GMCL2: variants seen among roughly 807,000 people sequenced by gnomAD.
The protein encoded by GMCL2 is germ cell-less protein-like 2.
Under a neutral mutation model 36.2 loss-of-function variants are expected in GMCL2, and 33 were observed. The ratio of observed to expected loss-of-function variants is 0.91; its 90% CI spans 0.69 to 1.22. The LOEUF (loss-of-function observed/expected upper bound fraction) is 1.22. Ranked by LOEUF, GMCL2 falls within the 50% of genes most tolerant of loss-of-function variation. GMCL2 has a pLI of 0.00. For missense variants in GMCL2, 478 were observed against 514.5 expected (o/e 0.93, Z 0.69); for synonymous variants, 172 against 184.3 (o/e 0.93, Z 0.54).
Position 178,187,085 on chromosome 5 carries a change from T to C in GMCL2, c.215A>G (p.Glu72Gly). The C allele has an allele frequency of 9.5e-7, 1 of 1,052,016 alleles. No homozygotes were observed. The highest frequency in any genetic ancestry group is 1.5e-6 in the Non-Finnish European group (1 of 689,626). 65.2% of individuals were successfully genotyped at this position (1,052,016 alleles called of 1,614,324 possible). Residue 72 changes from glutamate to glycine, a missense_variant, in exon 1 of 1, where the codon GAG becomes GGG. Physicochemically the swap from Glu to Gly is moderately conservative, Grantham distance 98. Transcript: ENST00000463439. ...CGGCTGCTGCTTGTCCCCCTCCTCC[T>C]CATGCTCCTCCCTGTGCGAGTCCGG... ...CDPDSHREEH[E>G]EEGDKQQPLL...
In GMCL2 at chr5:178,187,175, C is replaced by T. The variant is rs961984265; in HGVS notation, c.125G>A (p.Gly42Asp). The T allele has an allele frequency of 1.6e-6, 2 of 1,228,466 alleles. No individual in the cohort carries two copies. The highest frequency in any genetic ancestry group is 1.2e-6 in the Non-Finnish European group (1 of 852,804). The allele number at this position is 1,228,466 out of a possible 1,614,324, so 76.1% of individuals were successfully genotyped here. A position where few individuals can be genotyped will look rare whatever the true frequency, so the allele number is the denominator to read the frequency against. Residue 42 changes from glycine (G) to aspartate (D), a missense_variant, in exon 1 of 1, where the codon GGC (glycine) becomes GAC (aspartate). By Grantham distance (94) the Gly-to-Asp change is moderately conservative (BLOSUM62 -1). Around this residue, in one of 5 missense-constraint regions of GMCL2, gnomAD observed 127 missense variants for 86.4 expected, o/e 1.47. Transcript: ENST00000463439. ...GTGACTGCCCGGGCAGTAACAGAAG[C>T]CGTAGCTCGCCGCATCGTCTCCAGT... The part of the protein sequence containing the change: ...PDTGDDAASY[G>D]FCYCPGSHKR...
Position 178,186,859 on chromosome 5 carries a change from A to G in GMCL2, c.441T>C (p.Ile147=), listed in dbSNP as rs944426356. ...SGSWKESSMN[I]IELEIPDQNI... Reference sequence around the variant, plus strand: ...TCTGGTCAGGAATCTCCAGTTCAATAATATTCATGCTGGATTCTTTCCAAG... The same window carrying G: ...TCTGGTCAGGAATCTCCAGTTCAATGATATTCATGCTGGATTCTTTCCAAG... The change falls in exon 1 of 1, where the codon ATT becomes ATC. Residue 147 remains isoleucine, a synonymous_variant. Transcript: ENST00000463439. The G allele has an allele frequency of 1.9e-6, 3 of 1,610,948 alleles. No individual in the cohort carries two copies. The highest frequency in any genetic ancestry group is 2.5e-6 in the Non-Finnish European group (3 of 1,177,178).
rs1756692700 is a variant in GMCL2 at position 178,186,145 on chromosome 5, G to C, written c.1155C>G (p.Ile385Met). ...EQDREVGPQE[I>M]NKEDLEGNSM... Reference sequence around the variant, plus strand: ...TATTTCCCTCTAGGTCTTCTTTATTGATTTCTTGAGGCCCTACCTCACGGT... The same window carrying C: ...TATTTCCCTCTAGGTCTTCTTTATTCATTTCTTGAGGCCCTACCTCACGGT... The change falls in exon 1 of 1, where the codon ATC becomes ATG. Residue 385 changes from isoleucine to methionine, a missense_variant. Around this residue, in one of 5 missense-constraint regions of GMCL2, gnomAD observed 135 missense variants for 119.0 expected, o/e 1.13. Coordinates refer to ENST00000463439, the MANE Select transcript of GMCL2 (RefSeq NM_001358008.2). 1.2e-6 allele frequency: 1 copy of C among 824,638 alleles called. No individual in the cohort carries two copies. Among genetic ancestry groups the C allele is most frequent in the Non-Finnish European group, 2.2e-6 (1 of 459,468 alleles). The allele number at this position is 824,638 out of a possible 1,614,324, so 51.1% of individuals were successfully genotyped here.
chr5:178,185,775 T>C lies in GMCL2; in HGVS notation c.1525A>G (p.Ile509Val). ...PLYICCNFLY[I>V]SPEKGIENNR... The stretch of plus-strand genomic sequence containing the variant: ...TTTTCAATTCCTTTTTCTGGTGATA[T>C]ATACAAGAAGTTACAGCAGATATAT... The change falls in exon 1 of 1, where the codon ATA becomes GTA. Residue 509 changes from isoleucine (I) to valine (V), a missense_variant. Physicochemically the swap from Ile to Val is conservative, Grantham distance 29. This residue lies in a region of GMCL2 where 135 missense variants were observed against 119.0 expected (regional missense o/e 1.13). Coordinates refer to ENST00000463439, the MANE Select transcript of GMCL2 (RefSeq NM_001358008.2). The C allele has an allele frequency of 1.1e-6, 1 of 937,922 alleles. No individual in the cohort carries two copies. 58.1% of individuals were successfully genotyped at this position (937,922 alleles called of 1,614,324 possible).
Position 178,186,607 on chromosome 5 carries a change from C to A in GMCL2, c.693G>T (p.Lys231Asn), listed in dbSNP as rs757374588. The change falls in exon 1 of 1, where the codon AAG becomes AAT. Residue 231 changes from lysine (K) to asparagine (N), a missense_variant. By Grantham distance (94) the Lys-to-Asn change is moderately conservative. Transcript: ENST00000463439. The part of the protein sequence containing the change: ...EIYGLDSVKK[K>N]CLEWLLNNLM... ...AATTGTTTAGAAGCCATTCAAGGCA[C>A]TTTTTCTTTACAGAATCTAATCCAT... 2.5e-6 allele frequency: 3 copies of A among 1,208,408 alleles called. No homozygotes were observed. The highest frequency in any genetic ancestry group is 2.4e-5 in the South Asian group (2 of 82,772). The allele number at this position is 1,208,408 out of a possible 1,614,324, so 74.9% of individuals were successfully genotyped here. A position where few individuals can be genotyped will look rare whatever the true frequency, so the allele number is the denominator to read the frequency against.
In GMCL2 at chr5:178,186,158, C is replaced by A. The variant is rs775885723; in HGVS notation, c.1142G>T (p.Gly381Val). The A allele has an allele frequency of 1.2e-6, 1 of 826,474 alleles. No homozygotes were observed. Among genetic ancestry groups the A allele is most frequent in the Non-Finnish European group, 2.2e-6 (1 of 460,728 alleles). 51.2% of individuals were successfully genotyped at this position (826,474 alleles called of 1,614,324 possible). The change falls in exon 1 of 1, where the codon GGG becomes GTG. Residue 381 changes from glycine to valine, a missense_variant. Gly to Val is a moderately radical substitution (Grantham distance 109). Transcript: ENST00000463439. The part of the protein sequence containing the change: ...MLRAEQDREV[G>V]PQEINKEDLE... ...GTCTTCTTTATTGATTTCTTGAGGC[C>A]CTACCTCACGGTCTTGTTCTGCCCG...
chr5:178,184,991 T>C lies in GMCL2; in HGVS notation c.*728A>G, dbSNP rs1227963056. Among the ~76,000 whole-genome samples the C allele has an allele frequency of 6.6e-6, 1 of 152,176 alleles. No individual in the cohort carries two copies. Among genetic ancestry groups the C allele is most frequent in the Non-Finnish European group, 1.5e-5 (1 of 68,024 alleles). The stretch of plus-strand genomic sequence containing the variant: ...GTACAGACTGTCAAAGAAAAGACCA[T>C]GTAAGACAAGAAATATCCCTGGAAT... On this transcript the variant is annotated 3_prime_UTR_variant, in exon 1 of 1. Coordinates refer to ENST00000463439, the MANE Select transcript of GMCL2 (RefSeq NM_001358008.2).
At position 178,187,098 on chromosome 5, in the gene GMCL2, T is replaced by C. The variant is rs1230244170; in HGVS notation, c.202A>G (p.Arg68Gly). Residue 68 changes from arginine to glycine, a missense_variant, in exon 1 of 1, where the codon AGG (arginine) becomes GGG (glycine). By Grantham distance (125) the Arg-to-Gly change is moderately radical. Coordinates refer to ENST00000463439, the MANE Select transcript of GMCL2 (RefSeq NM_001358008.2). ...ACRYCDPDSH[R>G]EEHEEEGDKQ... The stretch of plus-strand genomic sequence containing the variant: ...TCCCCCTCCTCCTCATGCTCCTCCC[T>C]GTGCGAGTCCGGGTCACAGTAGCGG... 1 of 1,052,316 alleles carries C rather than the reference T, an allele frequency of 9.5e-7. No homozygotes were observed. The highest frequency in any genetic ancestry group is 1.5e-5 in the African/African-American group (1 of 65,078). The allele number at this position is 1,052,316 out of a possible 1,614,324, so 65.2% of individuals were successfully genotyped here. A position where few individuals can be genotyped will look rare whatever the true frequency, so the allele number is the denominator to read the frequency against.
rs775678233 is a variant in GMCL2 at position 178,187,289 on chromosome 5, G to A, written c.11C>T (p.Ser4Leu). The A allele has an allele frequency of 1.1e-6, 1 of 898,250 alleles. No homozygotes were observed. The highest frequency in any genetic ancestry group is 1.7e-6 in the Non-Finnish European group (1 of 576,056). 55.6% of individuals were successfully genotyped at this position (898,250 alleles called of 1,614,324 possible). A position where few individuals can be genotyped will look rare whatever the true frequency, so the allele number is the denominator to read the frequency against. The change falls in exon 1 of 1, where the codon TCG (serine) becomes TTG (leucine). Residue 4 changes from serine (S) to leucine (L), a missense_variant. Transcript: ENST00000463439. MGS[S>L]SSRVLGQPRR... ...CGGCTGGCCCAGCACCCGGCTGCTC[G>A]ACGATCCCATGGGTCACGGCTCCCC... is the stretch of plus-strand genomic sequence containing the variant.
rs1405772781 is a variant in GMCL2 at position 178,186,882 on chromosome 5, A to C, written c.418T>G (p.Trp140Gly). 1.2e-6 allele frequency: 2 copies of C among 1,610,212 alleles called. No homozygotes were observed. The highest frequency in any genetic ancestry group is 1.7e-6 in the Non-Finnish European group (2 of 1,176,350). Residue 140 changes from tryptophan (W) to glycine (G), a missense_variant, in exon 1 of 1, where the codon TGG (tryptophan) becomes GGG (glycine). Around this residue, in one of 5 missense-constraint regions of GMCL2, gnomAD observed 36 missense variants for 78.1 expected, o/e 0.46. Coordinates refer to ENST00000463439, the MANE Select transcript of GMCL2 (RefSeq NM_001358008.2). ...GYFSSMFSGS[W>G]KESSMNIIEL... ...ATAATATTCATGCTGGATTCTTTCC[A>C]AGAACCACTGAACATACTAGAAAAG... is the stretch of plus-strand genomic sequence containing the variant.
the GMCL2 span, chr5:178,185,760 C>CT: frequency 2.2e-6 from 2 of 894,906 alleles, no homozygotes; most frequent in East Asian, 4.9e-5. Flanking sequence ...TTTTCAATTC[C>CT]TTTTTCTGGT....
At position 178,187,266 on chromosome 5, in the gene GMCL2, G is replaced by C; in HGVS notation, c.34C>G (p.Pro12Ala). The C allele has an allele frequency of 1.1e-6, 1 of 952,220 alleles. No homozygotes were observed. The allele number at this position is 952,220 out of a possible 1,614,324, so 59.0% of individuals were successfully genotyped here. A position where few individuals can be genotyped will look rare whatever the true frequency, so the allele number is the denominator to read the frequency against. The change falls in exon 1 of 1, where the codon CCG (proline) becomes GCG (alanine). Residue 12 changes from proline to alanine, a missense_variant. Coordinates refer to ENST00000463439, the MANE Select transcript of GMCL2 (RefSeq NM_001358008.2). ...GSSSSRVLGQ[P>A]RRALAQQEQG... ...TCCTGCTGGGCAAGGGCTCGCCTCG[G>C]CTGGCCCAGCACCCGGCTGCTCGAC... is the stretch of plus-strand genomic sequence containing the variant.
At position 178,185,519 on chromosome 5, in the gene GMCL2, T is replaced by C. The variant is rs1756680303; in HGVS notation, c.*200A>G. ...GTACTGACAGAAATGGTTTGACAGA[T>C]ATTTTCTTGGCTTTAAAATGATTTT... On this transcript the variant is annotated 3_prime_UTR_variant, in exon 1 of 1. Coordinates refer to ENST00000463439, the MANE Select transcript of GMCL2 (RefSeq NM_001358008.2). Among the ~76,000 whole-genome samples, 1 of 152,250 alleles carries C rather than the reference T, an allele frequency of 6.6e-6. No homozygotes were observed. The highest frequency in any genetic ancestry group is 1.5e-5 in the Non-Finnish European group (1 of 68,048).
Position 178,186,175 on chromosome 5 carries a change from T to C in GMCL2, c.1125A>G (p.Glu375=), listed in dbSNP as rs1258146704. 1 of 828,676 alleles carries C rather than the reference T, an allele frequency of 1.2e-6. No individual in the cohort carries two copies. Among genetic ancestry groups the C allele is most frequent in the Non-Finnish European group, 2.2e-6 (1 of 462,396 alleles). The allele number at this position is 828,676 out of a possible 1,614,324, so 51.3% of individuals were successfully genotyped here. A position where few individuals can be genotyped will look rare whatever the true frequency, so the allele number is the denominator to read the frequency against. Residue 375 remains glutamate, a synonymous_variant, in exon 1 of 1, where the codon GAA becomes GAG. Coordinates refer to ENST00000463439, the MANE Select transcript of GMCL2 (RefSeq NM_001358008.2). ...KQQWFAMLRA[E]QDREVGPQEI... is the part of the protein sequence containing the mutation. ...CTTGAGGCCCTACCTCACGGTCTTG[T>C]TCTGCCCGCAGCATAGCAAACCACT...
At position 178,184,597 on chromosome 5, in the gene GMCL2, T is replaced by G. The variant is rs1289954154; in HGVS notation, c.*1122A>C. Among the ~76,000 whole-genome samples the G allele has an allele frequency of 4.6e-5, 7 of 152,162 alleles. No homozygotes were observed. Among genetic ancestry groups the G allele is most frequent in the Non-Finnish European group, 4.4e-5 (3 of 68,030 alleles). The stretch of plus-strand genomic sequence containing the variant: ...TAAAAATATACATTAACCACAGAAG[T>G]ACTTACTCTAACTGGAAAGAAAATG... On this transcript the variant is annotated 3_prime_UTR_variant, in exon 1 of 1. Transcript: ENST00000463439.
Position 178,187,135 on chromosome 5 carries a change from G to T in GMCL2, c.165C>A (p.Ser55Arg), listed in dbSNP as rs1309746855. Residue 55 changes from serine (S) to arginine (R), a missense_variant, in exon 1 of 1, where the codon AGC (serine) becomes AGA (arginine). Coordinates refer to ENST00000463439, the MANE Select transcript of GMCL2 (RefSeq NM_001358008.2). ...GGTCACAGTAGCGGCAGGCCCCGCTGCTCCGCTTGCGCTTGTGACTGCCCG... is the reference window on the plus strand; with the variant it reads ...GGTCACAGTAGCGGCAGGCCCCGCTTCTCCGCTTGCGCTTGTGACTGCCCG... ...YCPGSHKRKR[S>R]SGACRYCDPD... 14 of 1,145,524 alleles carry T rather than the reference G, an allele frequency of 1.2e-5. No individual in the cohort carries two copies. The highest frequency in any genetic ancestry group is 1.0e-5 in the Non-Finnish European group (8 of 775,742). The allele number at this position is 1,145,524 out of a possible 1,614,324, so 71.0% of individuals were successfully genotyped here.
chr5:178,186,398 T>C lies in GMCL2; in HGVS notation c.902A>G (p.Glu301Gly), dbSNP rs769874969. 1 of 1,611,298 alleles carries C rather than the reference T, an allele frequency of 6.2e-7. No individual in the cohort carries two copies. Among genetic ancestry groups the C allele is most frequent in the South Asian group, 1.1e-5 (1 of 91,034 alleles). ...WNGSLKQLLT[E>G]TDVWFSKQRK... is the part of the protein sequence containing the mutation. ...CTGTTTAGAAAACCAGACATCTGTTTCTGTCAAAAGCTGTTTTAAAGATCC... is the reference window on the plus strand; with the variant it reads ...CTGTTTAGAAAACCAGACATCTGTTCCTGTCAAAAGCTGTTTTAAAGATCC... The change falls in exon 1 of 1, where the codon GAA becomes GGA. Residue 301 changes from glutamate (E) to glycine (G), a missense_variant. Glu to Gly is a moderately conservative substitution (Grantham distance 98, BLOSUM62 -2). Transcript: ENST00000463439.
At position 178,186,093 on chromosome 5, in the gene GMCL2, T is replaced by G. The variant is rs1005002848; in HGVS notation, c.1207A>C (p.Lys403Gln). The G allele has an allele frequency of 8.8e-6, 7 of 796,782 alleles. No homozygotes were observed. Among genetic ancestry groups the G allele is most frequent in the Non-Finnish European group, 1.6e-5 (7 of 435,294 alleles). The allele number at this position is 796,782 out of a possible 1,614,324, so 49.4% of individuals were successfully genotyped here. The change falls in exon 1 of 1, where the codon AAA becomes CAA. Residue 403 changes from lysine to glutamine, a missense_variant. Physicochemically the swap from Lys to Gln is moderately conservative, Grantham distance 53 (BLOSUM62 1). Coordinates refer to ENST00000463439, the MANE Select transcript of GMCL2 (RefSeq NM_001358008.2). Reference sequence around the variant, plus strand: ...CAACACCAGTAGTATTCACCATCTTTGGCAAGCTTTCTACCACACCTCATG... The same window carrying G: ...CAACACCAGTAGTATTCACCATCTTGGGCAAGCTTTCTACCACACCTCATG... ...NSMRCGRKLA[K>Q]DGEYYWCWTG...
At position 178,186,418 on chromosome 5, in the gene GMCL2, A is replaced by G; in HGVS notation, c.882T>C (p.Ser294=). The G allele has an allele frequency of 1.2e-6, 2 of 1,611,838 alleles. No individual in the cohort carries two copies. Among genetic ancestry groups the G allele is most frequent in the Non-Finnish European group, 8.5e-7 (1 of 1,177,840 alleles). Reference sequence around the variant, plus strand: ...CTGTTTCTGTCAAAAGCTGTTTTAAAGATCCATTCCAAGAAGGCACAAGTT... The same window carrying G: ...CTGTTTCTGTCAAAAGCTGTTTTAAGGATCCATTCCAAGAAGGCACAAGTT... ...FLQLVPSWNG[S]LKQLLTETDV... The change falls in exon 1 of 1, where the codon TCT becomes TCC. Residue 294 remains serine (S), a synonymous_variant. Transcript: ENST00000463439.
Sources: allele counts gnomAD v4.1 joint callset (sites outside exome capture counted in the v4.1 genomes callset), GRCh38; gene constraint gnomAD v4.1.1; regional missense constraint gnomAD v4.1.1; transcripts MANE v1.5; gene names NCBI Gene and HGNC (gene_info 2026-07-23, HGNC 2026-07-21).